Variants in BDP1 observed in about 807,000 individuals in gnomAD.
BDP1 encodes BDP1 general transcription factor IIIB subunit.
BDP1 carries 169 observed loss-of-function variants against 266.6 expected under a neutral mutation model. The ratio of observed to expected loss-of-function variants is 0.63; its 90% CI spans 0.56 to 0.72. The LOEUF is 0.72. Among genes scored for constraint, BDP1 ranks in the 30% least tolerant of loss-of-function variants. The pLI is 0.00. For missense variants in BDP1, 3,015 were observed against 3,053.8 expected (o/e 0.99, Z 0.30); for synonymous variants, 1,090 against 1,022.4 (o/e 1.07, Z -1.26).
chr5:71,562,225 AAT>A, intron 37 of BDP1, 47 bp from the exon 38 acceptor site: 1 of 1,014,990 alleles, frequency 9.9e-7, no homozygotes, highest in Non-Finnish European at 1.4e-6. Flanking sequence ...AAAAAAAAAG[AAT>A]GTGTCTTCCT....
At chr5:71,569,267 C>T (rs954800789), downstream of BDP1, among the ~76,000 whole-genome samples, 2 of 152,010 alleles carry the variant, frequency 1.3e-5, no homozygotes, top group Non-Finnish European at 2.9e-5. Flanking sequence ...CGAGACATAG[C>T]GAGACCTTAT....
At chr5:71,564,073 C>T (rs1743867818) in intron 38 of BDP1, among the ~76,000 whole-genome samples, 1 of 152,084 alleles carries the variant, frequency 6.6e-6, no homozygotes, top group Non-Finnish European at 1.5e-5. Flanking sequence ...TTTTTTCCCC[C>T]TGAGATGGTT....
rs573114254 is a variant in BDP1 at position 71,525,257 on chromosome 5, C to T, written c.5772+934C>T. ...CTCCCGGATGGGGTGGCTGGCCAGG[C>T]GGGGGGCTGACCCCCCCCACCTCCC... On this transcript the variant is annotated intron_variant, in intron 25 of 38. Transcript: ENST00000358731. Among the ~76,000 whole-genome samples, 6 of 148,682 alleles carry T rather than the reference C, an allele frequency of 4.0e-5. 1 individual carries two copies. In the South Asian group the frequency reaches 6.5e-4, roughly 16 times the overall value.
At chr5:71,476,453 C>T (rs1762591071) in intron 7 of BDP1, 3 of 152,206 alleles carry the variant, frequency 2.0e-5, no homozygotes, top group African/African-American at 7.2e-5. Flanking sequence ...CACGTGGTTG[C>T]ATTCACCAAC....
At chr5:71,497,170 C>T (rs1454209589) in intron 12 of BDP1, 100 bp from the exon 13 acceptor site, 1 of 1,022,262 alleles carries the variant, frequency 9.8e-7, no homozygotes, top group Non-Finnish European at 1.4e-6. Flanking sequence ...TCTAAGTAAG[C>T]TCTTAAAGGA....
intron 12 of BDP1, among the ~76,000 whole-genome samples, chr5:71,496,236 C>T (rs1470776289): frequency 1.1e-5 from 1 of 93,628 alleles, no homozygotes; most frequent in African/African-American, 4.2e-5. Flanking sequence ...AGCGAGACTC[C>T]ATTTCAAAAA....
intron 25 of BDP1, among the ~76,000 whole-genome samples, chr5:71,529,249 G>A (rs1361979027): frequency 5.3e-5 from 8 of 152,114 alleles, no homozygotes; most frequent in African/African-American, 1.9e-4. Flanking sequence ...AATTTGCTGG[G>A]CGTGGTGGTG....
chr5:71,546,737 G>C (rs1742347163), intron 32 of BDP1, among the ~76,000 whole-genome samples: 3 of 151,514 alleles, frequency 2.0e-5, no homozygotes, highest in Admixed American at 2.0e-4. Flanking sequence ...ACAGAGAAAG[G>C]ACAGTACTGT....
chr5:71,500,316 C>CTTTTTTTTT (rs58201517), intron 13 of BDP1, among the ~76,000 whole-genome samples: 9 of 73,118 alleles, frequency 1.2e-4, no homozygotes, highest in East Asian at 7.1e-4. Context: ...AATCTTGTTT[C>CTTTTTTTTT]TTTTTTTTTT....
In BDP1 at chr5:71,510,502, C is replaced by T. The variant is rs1316419921; in HGVS notation, c.3410C>T (p.Ala1137Val). The T allele has an allele frequency of 3.1e-6, 5 of 1,613,274 alleles. No homozygotes were observed. The highest frequency in any genetic ancestry group is 3.4e-6 in the Non-Finnish European group (4 of 1,179,910). ...PREKTPEVID[A>V]TEEIDKDLEE... ...GAGAAGACACCAGAGGTGATTGATG[C>T]CACTGAGGAAATAGACAAAGATCTG... Residue 1137 changes from alanine to valine, a missense_variant, in exon 17 of 39, where the codon GCC becomes GTC. Ala to Val is a moderately conservative substitution (Grantham distance 64, BLOSUM62 0). This residue lies in a region of BDP1 where 2,383 missense variants were observed against 2,404.9 expected (regional missense o/e 0.99). Transcript: ENST00000358731.
chr5:71,514,916 T>C, intron 19 of BDP1, 28 bp from the exon 20 acceptor site: 3 of 1,523,104 alleles, frequency 2.0e-6, no homozygotes, highest in Non-Finnish European at 2.7e-6. Context: ...TTAGCAACTG[T>C]GAATGAAATT....
intron 24 of BDP1, among the ~76,000 whole-genome samples, chr5:71,523,536 A>G (rs530773705): frequency 6.6e-6 from 1 of 151,034 alleles, no homozygotes; most frequent in African/African-American, 2.4e-5. Flanking sequence ...CTGGTCTTGA[A>G]CTCCTGACCT....
intron 7 of BDP1, 99 bp downstream of exon 7, chr5:71,470,588 C>CTT (rs775641007): frequency 1.0e-3 from 604 of 603,194 alleles, no homozygotes; most frequent in Middle Eastern, 1.9e-3. Context: ...CTTAGTTCAT[C>CTT]TTTTTTTTTT....
intron 2 of BDP1, among the ~76,000 whole-genome samples, chr5:71,461,539 A>G (rs1161361676): frequency 6.6e-6 from 1 of 152,014 alleles, no homozygotes; most frequent in East Asian, 1.9e-4. Context: ...GCTTGAGCTC[A>G]GGAGTTCAAG....
At chr5:71,499,772 C>G (rs1274803780) in intron 13 of BDP1, among the ~76,000 whole-genome samples, 1 of 151,916 alleles carries the variant, frequency 6.6e-6, no homozygotes, top group African/African-American at 2.4e-5. Flanking sequence ...CAGATTGTTT[C>G]TATTTTTGTT....
In BDP1 at chr5:71,497,254, AATG is replaced by A. The variant is rs761412478; in HGVS notation, c.1800-15_1800-13del. On this transcript the variant is annotated splice_polypyrimidine_tract_variant and intron_variant, in intron 12 of 38. Transcript: ENST00000358731. The stretch of plus-strand genomic sequence containing the variant: ...ACTGCATGTTTGATGCTATTTAAAT[AATG>A]TTAATTTTTCAGGGAAATTGATCAA... 4.4e-6 allele frequency: 7 copies of A among 1,609,026 alleles called. No individual in the cohort carries two copies. The East Asian group carries it at 1.6e-4, about 36-fold the overall frequency.
chr5:71,509,679 G>A lies in BDP1; in HGVS notation c.2587G>A (p.Ala863Thr). 1.9e-6 allele frequency: 3 copies of A among 1,613,342 alleles called. No individual in the cohort carries two copies. Among genetic ancestry groups the A allele is most frequent in the Non-Finnish European group, 2.5e-6 (3 of 1,179,864 alleles). ...CACCTCACCAAAGGAGATGGTACCAGCAGAGATTAATACTAAAGAAATGCA... is the reference window on the plus strand; with the variant it reads ...CACCTCACCAAAGGAGATGGTACCAACAGAGATTAATACTAAAGAAATGCA... ...LDTSPKEMVP[A>T]EINTKEMQSD... is the part of the protein sequence containing the mutation. Residue 863 changes from alanine (A) to threonine (T), a missense_variant, in exon 17 of 39, where the codon GCA (alanine) becomes ACA (threonine). This residue lies in a region of BDP1 where 2,383 missense variants were observed against 2,404.9 expected (regional missense o/e 0.99). Coordinates refer to ENST00000358731, the MANE Select transcript of BDP1 (RefSeq NM_018429.3).
chr5:71,537,026 G>T (rs905258692), intron 26 of BDP1, among the ~76,000 whole-genome samples: 3 of 151,828 alleles, frequency 2.0e-5, no homozygotes, highest in African/African-American at 4.8e-5. Context: ...TACTTGGGAG[G>T]CTAAGGCAGG....
chr5:71,545,269 T>TG, intron 32 of BDP1, 50 bp downstream of exon 32: 1 of 1,491,734 alleles, frequency 6.7e-7, no homozygotes, highest in South Asian at 1.2e-5. Flanking sequence ...TTTCCTCCAT[T>TG]TAAAAAAAAA....
Sources: allele counts gnomAD v4.1 joint callset (sites outside exome capture counted in the v4.1 genomes callset), GRCh38; gene constraint gnomAD v4.1.1; regional missense constraint gnomAD v4.1.1; transcripts MANE v1.5; gene names NCBI Gene and HGNC (gene_info 2026-07-23, HGNC 2026-07-21).